GPHN: variants seen among roughly 807,000 people sequenced by gnomAD.
The protein encoded by GPHN is gephyrin.
A neutral mutation model predicts 95.5 loss-of-function variants in GPHN; 17 were observed. That is an observed-to-expected ratio of 0.18 (90% CI 0.12 to 0.27). The LOEUF is 0.27. GPHN is among the 10% of genes least tolerant of loss of function. The probability of loss-of-function intolerance (pLI) is 1.00; values close to 1 mark genes in which losing one functional copy is unlikely to be tolerated. For missense variants in GPHN, 660 were observed against 978.1 expected (o/e 0.67, Z 4.34); for synonymous variants, 320 against 322.5 (o/e 0.99, Z 0.08).
intron 22 of GPHN, among the ~76,000 whole-genome samples, chr14:67,180,449 A>G (rs1254946845): frequency 6.6e-6 from 1 of 152,240 alleles, no homozygotes; most frequent in Admixed American, 6.5e-5. Context: ...AAGAAATGGT[A>G]GCTGCTACCA....
Position 67,010,598 on chromosome 14 carries a change from T to C in GPHN, c.964-13035T>C, listed in dbSNP as rs571136032. 5.3e-5 allele frequency among the ~76,000 whole-genome samples: 8 copies of C among 150,224 alleles called. 1 individual carries two copies. The South Asian group carries it at 8.5e-4, about 16-fold the overall frequency. Reference sequence around the variant, plus strand: ...AGAAAAAAAAGAATAAAGAAACATATGTAAAACAAAGAATTACCAATTAAA... The same window carrying C: ...AGAAAAAAAAGAATAAAGAAACATACGTAAAACAAAGAATTACCAATTAAA... On this transcript the variant is annotated intron_variant, in intron 9 of 22. Transcript: ENST00000478722.
chr14:66,865,940 C>T (rs2153523995), intron 4 of GPHN, among the ~76,000 whole-genome samples: 2 of 152,210 alleles, frequency 1.3e-5, no homozygotes, highest in Middle Eastern at 3.4e-3. Context: ...AAGGTAGCAT[C>T]AAAGGAGGAA....
intron 1 of GPHN, among the ~76,000 whole-genome samples, chr14:66,679,949 T>C (rs1486991693): frequency 6.6e-6 from 1 of 152,198 alleles, no homozygotes; most frequent in Non-Finnish European, 1.5e-5. Context: ...TTTCCATACC[T>C]TGTAATTTTC....
the GPHN span, among the ~76,000 whole-genome samples, chr14:67,687,040 C>T: frequency 1.3e-5 from 2 of 152,140 alleles, no homozygotes; most frequent in Non-Finnish European, 2.9e-5. Flanking sequence ...GCAGTGTTCC[C>T]GACATGCCCA....
At chr14:67,197,891 A>T in the GPHN span, among the ~76,000 whole-genome samples, 2 of 152,114 alleles carry the variant, frequency 1.3e-5, no homozygotes, top group Admixed American at 1.3e-4. Flanking sequence ...AGTCCCTATC[A>T]TCCAACATCT....
At chr14:67,182,364 A>G (rs1044975455), downstream of GPHN, among the ~76,000 whole-genome samples, 18 of 152,242 alleles carry the variant, frequency 1.2e-4, no homozygotes, top group Non-Finnish European at 2.6e-4. Flanking sequence ...GGAAGATGTT[A>G]AATATACTGT....
chr14:67,524,166 A>G, the GPHN span, among the ~76,000 whole-genome samples: 215 of 152,202 alleles, frequency 1.4e-3, no homozygotes, highest in Middle Eastern at 3.4e-3. Context: ...GTGAAATCTC[A>G]TATGTTCCCC....
the GPHN span, chr14:67,541,940 C>A: frequency 1.1e-5 from 17 of 1,607,382 alleles, no homozygotes; most frequent in Non-Finnish European, 1.4e-5. Flanking sequence ...GGAAACTCAG[C>A]TTTTCCGGTT....
chr14:67,114,880 C>T (rs1773756792), intron 16 of GPHN, among the ~76,000 whole-genome samples: 2 of 152,118 alleles, frequency 1.3e-5, no homozygotes, highest in South Asian at 4.1e-4. Context: ...AAACTATTTA[C>T]TGGAAGTAGG....
intron 4 of GPHN, among the ~76,000 whole-genome samples, chr14:66,846,694 A>G (rs190317996): frequency 1.3e-5 from 2 of 152,298 alleles, no homozygotes; most frequent in Admixed American, 6.5e-5. Flanking sequence ...AGCCTAGAGC[A>G]TTCAGTGACA....
chr14:67,204,616 C>T, the GPHN span: 27 of 1,613,554 alleles, frequency 1.7e-5, no homozygotes, highest in African/African-American at 6.7e-5. Flanking sequence ...GGTGAGTGGT[C>T]GAGCCTACTA....
Position 66,510,194 on chromosome 14 carries a change from G to C in GPHN, c.64+1603G>C, listed in dbSNP as rs1163079120. On this transcript the variant is annotated intron_variant, in intron 1 of 22. Transcript: ENST00000478722. ...TTGCCAATTTTCGAATAATCTGATG[G>C]TGGGATGTCAAAGTGTATATCTTTT... Among the ~76,000 whole-genome samples the C allele has an allele frequency of 3.3e-5, 5 of 152,292 alleles. No homozygotes were observed. The East Asian group carries it at 9.6e-4, about 29-fold the overall frequency.
the GPHN span, among the ~76,000 whole-genome samples, chr14:67,574,591 C>T: frequency 1.3e-5 from 2 of 152,152 alleles, no homozygotes; most frequent in Admixed American, 6.5e-5. This position sits in a 1 kb window ranked among gnomAD's most constrained non-coding sequence, Gnocchi z 4.2. Context: ...AGTGATTCCC[C>T]GGAAACAAAT....
Position 66,914,739 on chromosome 14 carries a change from A to G in GPHN, c.390-1264A>G, listed in dbSNP as rs115588404. Among the ~76,000 whole-genome samples, 589 of 152,204 alleles carry G rather than the reference A, an allele frequency of 3.9e-3. 3 individuals are homozygous for G. Among genetic ancestry groups the G allele is most frequent in the African/African-American group, 0.013 (552 of 41,568 alleles). ...GAAAATAGAGAACTTAATATTGATG[A>G]CATTCCAATCATATTACTGGTGATA... On this transcript the variant is annotated intron_variant, in intron 5 of 22. Coordinates refer to ENST00000478722, the MANE Select transcript of GPHN (RefSeq NM_020806.5).
chr14:66,569,681 T>A (rs2060600821), intron 1 of GPHN, among the ~76,000 whole-genome samples: 1 of 151,612 alleles, frequency 6.6e-6, no homozygotes, highest in Admixed American at 6.6e-5. Context: ...AAATTAAATT[T>A]TTGTTTGACA....
At chr14:66,988,627 C>T (rs936574524) in intron 9 of GPHN, among the ~76,000 whole-genome samples, 2 of 152,034 alleles carry the variant, frequency 1.3e-5, no homozygotes, top group Non-Finnish European at 2.9e-5. Flanking sequence ...CTTACAAATA[C>T]TTGAGCTAAA....
the GPHN span, among the ~76,000 whole-genome samples, chr14:67,423,807 G>T: frequency 2.0e-5 from 3 of 152,222 alleles, no homozygotes; most frequent in Non-Finnish European, 4.4e-5. Flanking sequence ...GTGTCCAAGT[G>T]CAAGTGAGCC....
intron 4 of GPHN, among the ~76,000 whole-genome samples, chr14:66,870,857 G>A (rs1390014427): frequency 2.0e-5 from 3 of 152,122 alleles, no homozygotes; most frequent in Non-Finnish European, 4.4e-5. Flanking sequence ...AGTGTAATAC[G>A]GTGAACAATT....
chr14:67,283,459 AGAC>A, the GPHN span, among the ~76,000 whole-genome samples: 1 of 152,214 alleles, frequency 6.6e-6, no homozygotes, highest in Non-Finnish European at 1.5e-5. Flanking sequence ...TCAAGCCAAC[AGAC>A]AAAATCCCAA....
Sources: allele counts gnomAD v4.1 joint callset (sites outside exome capture counted in the v4.1 genomes callset), GRCh38; gene constraint gnomAD v4.1.1; non-coding constraint Gnocchi (gnomAD v3.1); transcripts MANE v1.5; gene names NCBI Gene and HGNC (gene_info 2026-07-23, HGNC 2026-07-21).